MCHR2: variants seen among roughly 807,000 people sequenced by gnomAD.
The protein encoded by MCHR2 is melanin-concentrating hormone receptor 2.
Under a neutral mutation model 24.8 loss-of-function variants are expected in MCHR2, and 15 were observed. The observed-to-expected ratio is 0.60, with a 90% confidence interval of 0.40 to 0.93. The LOEUF (loss-of-function observed/expected upper bound fraction) is 0.93, where lower values mean the gene tolerates loss of function less well. Among genes scored for constraint, MCHR2 ranks in the 40% least tolerant of loss-of-function variants. MCHR2 has a pLI of 0.00. For synonymous variants in MCHR2, 151 were observed against 147.6 expected (o/e 1.02, Z -0.17); for missense variants, 386 against 408.7 (o/e 0.94, Z 0.48).
chr6:99,935,733 A>G, intron 4 of MCHR2, among the ~76,000 whole-genome samples: 1 of 151,930 alleles, frequency 6.6e-6, no homozygotes. Flanking sequence ...CCAGTAGTGG[A>G]ACTGTCGGAT....
At chr6:99,927,087 TA>T (rs1774380372) in intron 5 of MCHR2, among the ~76,000 whole-genome samples, 1 of 152,090 alleles carries the variant, frequency 6.6e-6, no homozygotes, top group East Asian at 1.9e-4. Context: ...ATTTATTAAA[TA>T]GGGAATCCTT....
chr6:99,986,393 C>T (rs1775769350), intron 1 of MCHR2, among the ~76,000 whole-genome samples: 1 of 152,144 alleles, frequency 6.6e-6, no homozygotes, highest in South Asian at 2.1e-4. Flanking sequence ...ATGCTGTTTA[C>T]ATTAGCAAAG....
At chr6:99,947,465 T>G (rs1024751196) in intron 3 of MCHR2, among the ~76,000 whole-genome samples, 23 of 152,202 alleles carry the variant, frequency 1.5e-4, no homozygotes, top group African/African-American at 5.3e-4. Flanking sequence ...GGGGAATTCA[T>G]TCTGGTTTCT....
chr6:99,959,332 A>G (rs752693916), intron 1 of MCHR2, among the ~76,000 whole-genome samples: 35 of 152,072 alleles, frequency 2.3e-4, no homozygotes, highest in Non-Finnish European at 4.4e-4. Context: ...ATGTCCACAG[A>G]AAATGTTTGA....
At chr6:99,981,599 AATAATATAACCCATTGC>A (rs1775670375) in intron 1 of MCHR2, among the ~76,000 whole-genome samples, 3 of 152,156 alleles carry the variant, frequency 2.0e-5, no homozygotes, top group African/African-American at 7.2e-5. Flanking sequence ...GTTTAATGGG[AATAATATAACCCATTGC>A]ATAAGGCTGT....
chr6:99,938,435 T>C (rs1774708925), intron 4 of MCHR2, among the ~76,000 whole-genome samples: 1 of 152,146 alleles, frequency 6.6e-6, no homozygotes, highest in South Asian at 2.1e-4. Context: ...AATTTCTTTC[T>C]TGATGTATTC....
At chr6:99,940,260 T>C (rs72938045) in intron 4 of MCHR2, among the ~76,000 whole-genome samples, 3,231 of 152,178 alleles carry the variant, frequency 0.021, 45 homozygotes, top group Non-Finnish European at 0.035. Context: ...CTATATCTTG[T>C]ATACAGTCTT....
intron 1 of MCHR2, among the ~76,000 whole-genome samples, chr6:99,974,227 A>C (rs1413432730): frequency 6.6e-6 from 1 of 152,058 alleles, no homozygotes; most frequent in African/African-American, 2.4e-5. Context: ...CTTTTCACAT[A>C]GTCCCATATT....
intron 1 of MCHR2, among the ~76,000 whole-genome samples, chr6:99,985,118 CA>C (rs1281442307): frequency 1.3e-5 from 2 of 151,890 alleles, no homozygotes; most frequent in Non-Finnish European, 2.9e-5. Context: ...TAGATTTCAC[CA>C]AGGAGTTAAA....
intron 1 of MCHR2, among the ~76,000 whole-genome samples, chr6:99,979,661 T>G (rs1775626578): frequency 6.6e-6 from 1 of 152,212 alleles, no homozygotes; most frequent in Admixed American, 6.5e-5. Flanking sequence ...CTAAAAAATT[T>G]AAGATTACAT....
At chr6:99,948,846 A>G (rs1038940820) in intron 2 of MCHR2, among the ~76,000 whole-genome samples, 3 of 152,142 alleles carry the variant, frequency 2.0e-5, no homozygotes, top group African/African-American at 7.2e-5. Flanking sequence ...ATGACTTAGA[A>G]ATATTCCAGT....
chr6:99,961,153 G>C (rs906263566), intron 1 of MCHR2, among the ~76,000 whole-genome samples: 2 of 151,696 alleles, frequency 1.3e-5, no homozygotes, highest in Non-Finnish European at 2.9e-5. Flanking sequence ...CCATCAAAAA[G>C]TGGGCAAAGG....
chr6:99,959,553 T>G (rs1441110321), intron 1 of MCHR2, among the ~76,000 whole-genome samples: 1 of 143,822 alleles, frequency 7.0e-6, no homozygotes, highest in Non-Finnish European at 1.5e-5. Context: ...AGTTAGATAC[T>G]AATTACCTGA....
intron 1 of MCHR2, among the ~76,000 whole-genome samples, chr6:99,972,583 T>C (rs1270514451): frequency 1.3e-5 from 2 of 152,222 alleles, no homozygotes; most frequent in Non-Finnish European, 2.9e-5. Flanking sequence ...CTGATTTTAG[T>C]AATTTCTTGC....
chr6:99,978,424 T>TTTG (rs1554196742), intron 1 of MCHR2, among the ~76,000 whole-genome samples: 1 of 141,686 alleles, frequency 7.1e-6, no homozygotes, highest in Non-Finnish European at 1.5e-5. Context: ...AAGACAGTTT[T>TTTG]TTTTTTTTTT....
chr6:99,939,800 T>C lies in MCHR2; in HGVS notation c.587+3149A>G, dbSNP rs1774736773. On this transcript the variant is annotated intron_variant, in intron 4 of 5. Coordinates refer to ENST00000281806, the MANE Select transcript of MCHR2 (RefSeq NM_001040179.2). ...GGTAAATTCCTTCAACTTCTGCTTG[T>C]CTGGAAAACACTTTAACTCTTCTTC... Among the ~76,000 whole-genome samples, 10 of 151,596 alleles carry C rather than the reference T, an allele frequency of 6.6e-5. No individual in the cohort carries two copies. In the South Asian group the frequency reaches 2.1e-3, roughly 32 times the overall value.
intron 1 of MCHR2, among the ~76,000 whole-genome samples, chr6:99,970,943 C>CAAA (rs1161920418): frequency 6.6e-6 from 1 of 152,140 alleles, no homozygotes; most frequent in South Asian, 2.1e-4. Flanking sequence ...GTACCAGTAC[C>CAAA]ATGCTGTTTT....
intron 3 of MCHR2, among the ~76,000 whole-genome samples, chr6:99,946,094 C>T (rs1342265522): frequency 4.6e-5 from 7 of 151,752 alleles, no homozygotes; most frequent in Non-Finnish European, 1.5e-5. Flanking sequence ...TCGTATTATC[C>T]CCAAGAATGG....
intron 5 of MCHR2, among the ~76,000 whole-genome samples, chr6:99,931,400 G>T (rs912150102): frequency 1.4e-4 from 22 of 152,206 alleles, no homozygotes; most frequent in African/African-American, 5.3e-4. Flanking sequence ...GTCTGCAGAG[G>T]TTACTGCTGT....
Sources: gnomAD v4.1 joint callset for allele counts (sites outside exome capture counted in the v4.1 genomes callset) on GRCh38, gnomAD v4.1.1 for gene constraint, MANE v1.5 for transcripts, NCBI Gene and HGNC (gene_info 2026-07-23, HGNC 2026-07-21) for gene names.